The following HTT variants were observed in gnomAD, a reference collection of about 807,000 sequenced individuals.
HTT encodes huntingtin.
In HTT, 104 loss-of-function variants were observed where a neutral mutation model predicts 362.3. The observed-to-expected ratio is 0.29, with a 90% CI of 0.24 to 0.34. The LOEUF is 0.34. Ranked by LOEUF, HTT falls within the 10% of genes least tolerant of loss-of-function variation. The pLI is 1.00. For missense variants in HTT, 3,301 were observed against 3,928.6 expected (o/e 0.84, Z 4.27); for synonymous variants, 1,577 against 1,548.7 (o/e 1.02, Z -0.43).
intron 51 of HTT, among the ~76,000 whole-genome samples, chr4:3,215,516 C>A (rs1389486766): frequency 6.6e-6 from 1 of 152,286 alleles, no homozygotes; most frequent in South Asian, 2.1e-4. Context: ...ATTCTGAGAT[C>A]CTTGAGGGCA....
At chr4:3,142,272 G>T (rs1367032372) in intron 22 of HTT, among the ~76,000 whole-genome samples, 1 of 152,152 alleles carries the variant, frequency 6.6e-6, no homozygotes, top group East Asian at 1.9e-4. Context: ...TACAAAATCA[G>T]ATTGGCTTTA....
intron 29 of HTT, among the ~76,000 whole-genome samples, chr4:3,168,595 A>G (rs766179047): frequency 5.9e-5 from 9 of 152,122 alleles, no homozygotes; most frequent in African/African-American, 2.2e-4. Flanking sequence ...TGTATTATGC[A>G]TTGGATTTTT....
intron 2 of HTT, among the ~76,000 whole-genome samples, chr4:3,096,883 C>T (rs1713883055): frequency 6.6e-6 from 1 of 152,190 alleles, no homozygotes; most frequent in African/African-American, 2.4e-5. Flanking sequence ...CTTTGGGAGG[C>T]CGAGGCAGGT....
At chr4:3,099,609 GTTGTATGGTTTGGAGGTGCTC>G (rs751205475) in intron 3 of HTT, among the ~76,000 whole-genome samples, 39,411 of 132,444 alleles carry the variant, frequency 0.3, 6,147 homozygotes, top group East Asian at 0.39. Context: ...GAGGTGCTCT[GTTGTATGGTTTGGAGGTGCTC>G]TTGTATGGTT....
rs189486178 is a variant in HTT at position 3,227,150 on chromosome 4, G to A, written c.7848+1407G>A. The stretch of plus-strand genomic sequence containing the variant: ...CATTTGGCCACATCCTTCAATGTTT[G>A]CGTTGTGTCCAGCGTCCGCAAACCA... On this transcript the variant is annotated intron_variant, in intron 57 of 66. Transcript: ENST00000355072. Among the ~76,000 whole-genome samples, 5 of 152,370 alleles carry A rather than the reference G, an allele frequency of 3.3e-5. 1 individual carries two copies. Among genetic ancestry groups the A allele is most frequent in the Admixed American group, 2.0e-4 (3 of 15,306 alleles).
chr4:3,239,078 C>G (rs1721683468), intron 66 of HTT, 100 bp downstream of exon 66: 12 of 1,239,178 alleles, frequency 9.7e-6, no homozygotes, highest in Non-Finnish European at 1.2e-5. Context: ...TGCAAAAACC[C>G]CACAGATGCC....
At chr4:3,225,197 G>A (rs73193313) in intron 56 of HTT, among the ~76,000 whole-genome samples, 6,223 of 152,206 alleles carry the variant, frequency 0.041, 233 homozygotes, top group Admixed American at 0.1. Context: ...TCCTGCTCCC[G>A]CTCCTGCCGG....
At chr4:3,128,097 T>C (rs1308939178) in intron 12 of HTT, among the ~76,000 whole-genome samples, 1 of 152,058 alleles carries the variant, frequency 6.6e-6, no homozygotes, top group Non-Finnish European at 1.5e-5. Flanking sequence ...CACACTCAGC[T>C]AATGTTTGTA....
intron 8 of HTT, among the ~76,000 whole-genome samples, chr4:3,118,672 T>C (rs1715149186): frequency 6.6e-6 from 1 of 152,132 alleles, no homozygotes; most frequent in South Asian, 2.1e-4. Context: ...AGATCGAAAC[T>C]GTGTTAAATT....
At chr4:3,122,719 A>G (rs1256781365) in intron 9 of HTT, among the ~76,000 whole-genome samples, 170 bp from the exon 10 acceptor site, 1 of 152,202 alleles carries the variant, frequency 6.6e-6, no homozygotes, top group Non-Finnish European at 1.5e-5. Flanking sequence ...ATGTTAATGT[A>G]ATTTTCATAT....
At chr4:3,141,224 T>C (rs1233524216) in intron 22 of HTT, among the ~76,000 whole-genome samples, 1 of 152,260 alleles carries the variant, frequency 6.6e-6, no homozygotes, top group Admixed American at 6.5e-5. Context: ...GCAGAGAAGA[T>C]TGCAGAAGTG....
At chr4:3,187,973 C>G (rs1718846066) in intron 39 of HTT, 87 bp downstream of exon 39, 1 of 741,092 alleles carries the variant, frequency 1.3e-6, no homozygotes, top group Non-Finnish European at 2.3e-6. Flanking sequence ...GGAATAATAC[C>G]TGGTCTTGCT....
In HTT at chr4:3,238,938, T is replaced by C. The variant is rs759983194; in HGVS notation, c.9175T>C (p.Phe3059Leu). The change falls in exon 66 of 67, where the codon TTC (phenylalanine) becomes CTC (leucine). Residue 3059 changes from phenylalanine to leucine, a missense_variant. Transcript: ENST00000355072. ...VAMATWSLSC[F>L]FVSASTSPWV... The stretch of plus-strand genomic sequence containing the variant: ...CATGGCCACGTGGAGCCTCTCCTGC[T>C]TCTTTGTCAGCGCGTCCACCAGCCC... 6.2e-7 allele frequency: 1 copy of C among 1,610,472 alleles called. No individual in the cohort carries two copies. The highest frequency in any genetic ancestry group is 8.5e-7 in the Non-Finnish European group (1 of 1,179,368).
intron 39 of HTT, 103 bp from the exon 40 acceptor site, chr4:3,188,848 A>C: frequency 8.7e-7 from 1 of 1,146,324 alleles, no homozygotes; most frequent in Non-Finnish European, 1.3e-6. Context: ...TACTCTACCT[A>C]TATTTTTACT....
intron 1 of HTT, among the ~76,000 whole-genome samples, chr4:3,082,244 G>A (rs1712950383): frequency 6.6e-6 from 1 of 152,084 alleles, no homozygotes. Context: ...AAAGGCAAAG[G>A]TCTCACATTT....
At chr4:3,101,508 C>T (rs146469578) in intron 3 of HTT, among the ~76,000 whole-genome samples, 2 of 152,256 alleles carry the variant, frequency 1.3e-5, no homozygotes, top group East Asian at 1.9e-4. Context: ...TAGGGGGAGG[C>T]GTGGGAGAGC....
intron 2 of HTT, among the ~76,000 whole-genome samples, chr4:3,096,118 T>G (rs956866647): frequency 7.2e-5 from 11 of 152,364 alleles, no homozygotes; most frequent in Admixed American, 6.5e-4. Flanking sequence ...AAGCAAAGGC[T>G]CTTGCCCAGG....
At chr4:3,173,254 G>A in intron 31 of HTT, 123 bp downstream of exon 31, 1 of 740,190 alleles carries the variant, frequency 1.4e-6, no homozygotes, top group Non-Finnish European at 2.3e-6. Flanking sequence ...GCTGTATTCA[G>A]AGAACTCTAG....
rs1719852590 is a variant in HTT at position 3,206,348 on chromosome 4, A to G, written c.5719-148A>G. 4.8e-6 allele frequency: 3 copies of G among 631,028 alleles called. No homozygotes were observed. Among genetic ancestry groups the G allele is most frequent in the African/African-American group, 3.7e-5 (2 of 54,378 alleles). The allele number at this position is 631,028 out of a possible 1,614,324, so 39.1% of individuals were successfully genotyped here. A position where few individuals can be genotyped will look rare whatever the true frequency, so the allele number is the denominator to read the frequency against. On this transcript the variant is annotated intron_variant, in intron 42 of 66. Coordinates refer to ENST00000355072, the MANE Select transcript of HTT (RefSeq NM_001388492.1). The surrounding 1 kb of genome is among the most constrained non-coding windows in gnomAD (Gnocchi z 4.6). Reference sequence around the variant, plus strand: ...AATCGAGTTTCCTACCTCCTCAATTATTTGTGCTCATACACTGTATATTTT... The same window carrying G: ...AATCGAGTTTCCTACCTCCTCAATTGTTTGTGCTCATACACTGTATATTTT...
Sources: gnomAD v4.1 joint callset for allele counts (sites outside exome capture counted in the v4.1 genomes callset) on GRCh38, gnomAD v4.1.1 for gene constraint, Gnocchi (gnomAD v3.1) non-coding constraint, MANE v1.5 for transcripts, NCBI Gene and HGNC (gene_info 2026-07-23, HGNC 2026-07-21) for gene names.